Variants in LRFN2 observed in about 807,000 individuals in gnomAD.
The protein encoded by LRFN2 is leucine-rich repeat and fibronectin type-III domain-containing protein 2.
In LRFN2, 18 loss-of-function variants were observed where a neutral mutation model predicts 37.3. That is an observed-to-expected ratio of 0.48 (90% confidence interval 0.33 to 0.72). The LOEUF is 0.72. LRFN2 is among the 30% of genes least tolerant of loss of function. The probability of loss-of-function intolerance (pLI) is 0.02; values close to 1 mark genes in which losing one functional copy is unlikely to be tolerated. For missense variants in LRFN2, 1,006 were observed against 1,060.7 expected (o/e 0.95, Z 0.72); for synonymous variants, 556 against 466.6 (o/e 1.19, Z -2.47).
chr6:40,513,285 G>A (rs1171787877), intron 1 of LRFN2, among the ~76,000 whole-genome samples: 4 of 150,670 alleles, frequency 2.7e-5, no homozygotes, highest in Non-Finnish European at 5.9e-5. Flanking sequence ...CCAGGCTGAA[G>A]TGCAGTGGTG....
chr6:40,398,069 A>G (rs750152122), intron 2 of LRFN2, among the ~76,000 whole-genome samples: 47 of 151,972 alleles, frequency 3.1e-4, no homozygotes, highest in South Asian at 2.1e-4. Flanking sequence ...TTCACAATGA[A>G]TAGCTTGAGG....
intron 1 of LRFN2, among the ~76,000 whole-genome samples, chr6:40,531,001 C>T (rs1182034530): frequency 6.6e-6 from 1 of 152,118 alleles, no homozygotes; most frequent in Non-Finnish European, 1.5e-5. Context: ...TGTTGAAATA[C>T]CAGATGCATC....
chr6:40,523,403 GC>G (rs1425069917), intron 1 of LRFN2, among the ~76,000 whole-genome samples: 1 of 151,740 alleles, frequency 6.6e-6, no homozygotes, highest in Non-Finnish European at 1.5e-5. Context: ...ATGGGCCTCA[GC>G]CCCATTGATC....
intron 1 of LRFN2, among the ~76,000 whole-genome samples, chr6:40,455,609 C>G (rs1764218229): frequency 6.6e-6 from 1 of 152,212 alleles, no homozygotes; most frequent in Non-Finnish European, 1.5e-5. Context: ...TTTATTCACT[C>G]TAAAGGACTG....
chr6:40,576,811 C>T (rs1013914149), intron 1 of LRFN2, among the ~76,000 whole-genome samples: 6 of 152,012 alleles, frequency 3.9e-5, no homozygotes, highest in East Asian at 1.9e-4. Context: ...GGGCTTCAGT[C>T]GGGTCCCACC....
At chr6:40,414,749 C>A (rs1180849541) in intron 2 of LRFN2, among the ~76,000 whole-genome samples, 4 of 152,216 alleles carry the variant, frequency 2.6e-5, no homozygotes, top group African/African-American at 7.2e-5. Context: ...CCCCCCCAGG[C>A]GGGGTCACTG....
chr6:40,434,608 C>A (rs1445152410), intron 1 of LRFN2, among the ~76,000 whole-genome samples: 1 of 151,854 alleles, frequency 6.6e-6, no homozygotes, highest in Non-Finnish European at 1.5e-5. Context: ...TCCCAAATAG[C>A]TGGGACTACA....
At chr6:40,459,450 T>C (rs1764301065) in intron 1 of LRFN2, among the ~76,000 whole-genome samples, 1 of 152,198 alleles carries the variant, frequency 6.6e-6, no homozygotes, top group South Asian at 2.1e-4. Flanking sequence ...TTGCAAACAC[T>C]GTCTTTTTAC....
At chr6:40,509,845 A>T (rs1765653272) in intron 1 of LRFN2, among the ~76,000 whole-genome samples, 1 of 146,976 alleles carries the variant, frequency 6.8e-6, no homozygotes, top group African/African-American at 2.6e-5. Context: ...AGGAGAGCTG[A>T]GTGCACGCAT....
At chr6:40,524,319 C>T (rs1472803698) in intron 1 of LRFN2, among the ~76,000 whole-genome samples, 1 of 152,130 alleles carries the variant, frequency 6.6e-6, no homozygotes, top group African/African-American at 2.4e-5. Context: ...CACCTGGATG[C>T]CTGCCTGCCC....
At chr6:40,562,744 A>G (rs571209118) in intron 1 of LRFN2, among the ~76,000 whole-genome samples, 4 of 151,988 alleles carry the variant, frequency 2.6e-5, no homozygotes, top group South Asian at 2.1e-4. Flanking sequence ...CTGTCTGTGC[A>G]TGGAGATGAA....
chr6:40,399,858 C>T (rs557008832), intron 2 of LRFN2, among the ~76,000 whole-genome samples: 1 of 151,814 alleles, frequency 6.6e-6, no homozygotes, highest in Non-Finnish European at 1.5e-5. Flanking sequence ...TTTCCTTGCA[C>T]TTTGGGAAAA....
At chr6:40,500,605 G>A (rs1765355376) in intron 1 of LRFN2, among the ~76,000 whole-genome samples, 1 of 152,228 alleles carries the variant, frequency 6.6e-6, no homozygotes, top group Admixed American at 6.5e-5. Flanking sequence ...TCATCATAGT[G>A]TTGTTTGTAA....
At chr6:40,536,171 G>A (rs1766445649) in intron 1 of LRFN2, among the ~76,000 whole-genome samples, 1 of 152,140 alleles carries the variant, frequency 6.6e-6, no homozygotes, top group South Asian at 2.1e-4. Context: ...CAAACCTCGA[G>A]GAGAGAGCCA....
rs756661889 is a variant in LRFN2 at position 40,432,550 on chromosome 6, G to A, written c.564C>T (p.Ile188=). ...LSLDHNLLDH[I]AEGTFADLQK... is the part of the protein sequence containing the mutation. Reference sequence around the variant, plus strand: ...GCAGGTCTGCAAAGGTGCCCTCGGCGATGTGATCCAGCAGGTTGTGGTCCA... The same window carrying A: ...GCAGGTCTGCAAAGGTGCCCTCGGCAATGTGATCCAGCAGGTTGTGGTCCA... The change falls in exon 2 of 3, where the codon ATC becomes ATT. Residue 188 remains isoleucine, a synonymous_variant. Coordinates refer to ENST00000338305, the MANE Select transcript of LRFN2 (RefSeq NM_020737.3). 1.9e-6 allele frequency: 3 copies of A among 1,614,228 alleles called. No individual in the cohort carries two copies. Among genetic ancestry groups the A allele is most frequent in the Admixed American group, 1.7e-5 (1 of 60,030 alleles).
chr6:40,523,327 A>T (rs1581776244), intron 1 of LRFN2, among the ~76,000 whole-genome samples: 1 of 151,766 alleles, frequency 6.6e-6, no homozygotes, highest in African/African-American at 2.4e-5. Context: ...CGCCCACCTA[A>T]CTCAGCAAGA....
At chr6:40,446,613 T>A (rs1490638337) in intron 1 of LRFN2, among the ~76,000 whole-genome samples, 1 of 152,246 alleles carries the variant, frequency 6.6e-6, no homozygotes, top group East Asian at 1.9e-4. Flanking sequence ...GAACACCTGC[T>A]GTGCTGAGCT....
intron 1 of LRFN2, among the ~76,000 whole-genome samples, chr6:40,453,849 T>C (rs1764175259): frequency 1.3e-5 from 2 of 152,132 alleles, no homozygotes; most frequent in African/African-American, 2.4e-5. Context: ...GTGCCAAAGC[T>C]CAAAGCAAAA....
At chr6:40,449,183 G>A (rs1764044565) in intron 1 of LRFN2, among the ~76,000 whole-genome samples, 1 of 152,158 alleles carries the variant, frequency 6.6e-6, no homozygotes, top group East Asian at 1.9e-4. Context: ...CACTACAAAA[G>A]TGTTAAGTAT....
Sources: allele counts gnomAD v4.1 joint callset (sites outside exome capture counted in the v4.1 genomes callset), GRCh38; gene constraint gnomAD v4.1.1; transcripts MANE v1.5; gene names NCBI Gene and HGNC (gene_info 2026-07-23, HGNC 2026-07-21).